Variants in TMBIM4 observed in about 807,000 individuals in gnomAD.
The protein encoded by TMBIM4 is protein lifeguard 4.
A neutral mutation model predicts 27.7 loss-of-function variants in TMBIM4; 28 were observed. That is an observed-to-expected ratio of 1.01 (90% CI 0.75 to 1.38). The LOEUF (loss-of-function observed/expected upper bound fraction) is 1.38, where lower values mean the gene tolerates loss of function less well. TMBIM4 is among the 40% of genes most tolerant of loss of function. TMBIM4 has a pLI of 0.00. For missense variants in TMBIM4, 265 were observed against 277.5 expected, an observed-to-expected ratio of 0.95 and a Z score of 0.32; for synonymous variants, 115 against 113.1, an observed-to-expected ratio of 1.02 and a Z score of -0.11.
intron 5 of TMBIM4, among the ~76,000 whole-genome samples, chr12:66,141,578 A>G (rs1252400125): frequency 1.3e-5 from 2 of 152,050 alleles, no homozygotes; most frequent in African/African-American, 4.8e-5. Context: ...TGATTTCTAA[A>G]AAAAAAACCT....
At chr12:66,144,479 G>A (rs10459263) in intron 5 of TMBIM4, among the ~76,000 whole-genome samples, 11,673 of 152,114 alleles carry the variant, frequency 0.077, 1,033 homozygotes, top group East Asian at 0.51. Context: ...GTAAATTGCG[G>A]GGTGGGGGCA....
At chr12:66,158,423 G>C (rs527432442) in intron 1 of TMBIM4, among the ~76,000 whole-genome samples, 1 of 151,772 alleles carries the variant, frequency 6.6e-6, no homozygotes, top group African/African-American at 2.4e-5. Context: ...GGCAGATCAC[G>C]AGGTCAGGAG....
chr12:66,169,954 T>A lies in TMBIM4; in HGVS notation c.-3A>T, dbSNP rs912684844. ...TACCGGGGGTCGGGGTCAGCCATGA[T>A]GGCAACAGCACCCCTACCGGTCCCG... On this transcript the variant is annotated 5_prime_UTR_variant, in exon 1 of 7. Transcript: ENST00000358230. 1 of 1,489,102 alleles carries A rather than the reference T, an allele frequency of 6.7e-7. No individual in the cohort carries two copies. Among genetic ancestry groups the A allele is most frequent in the Non-Finnish European group, 8.9e-7 (1 of 1,121,200 alleles). 92.2% of individuals were successfully genotyped at this position (1,489,102 alleles called of 1,614,324 possible).
intron 4 of TMBIM4, among the ~76,000 whole-genome samples, chr12:66,147,431 A>G (rs1027179775): frequency 6.6e-6 from 1 of 152,210 alleles, no homozygotes; most frequent in Non-Finnish European, 1.5e-5. Flanking sequence ...CTTCAAACAC[A>G]TATTTAACAT....
intron 1 of TMBIM4, among the ~76,000 whole-genome samples, chr12:66,155,767 C>A (rs2051925702): frequency 1.3e-5 from 2 of 152,090 alleles, no homozygotes; most frequent in African/African-American, 4.8e-5. Context: ...ATTTACAGTT[C>A]AAAACAATGT....
chr12:66,157,080 ATATAC>A (rs2136872513), intron 1 of TMBIM4, among the ~76,000 whole-genome samples: 1 of 152,166 alleles, frequency 6.6e-6, no homozygotes, highest in Non-Finnish European at 1.5e-5. Context: ...AATGCCACAA[ATATAC>A]TATATATCTG....
At chr12:66,164,411 G>A (rs1293168844) in intron 1 of TMBIM4, among the ~76,000 whole-genome samples, 4 of 152,130 alleles carry the variant, frequency 2.6e-5, no homozygotes, top group African/African-American at 9.7e-5. Flanking sequence ...GATTCAGAAG[G>A]GATTGTAGGA....
chr12:66,163,097 C>CCTT (rs1171674366), intron 1 of TMBIM4, among the ~76,000 whole-genome samples: 1 of 152,150 alleles, frequency 6.6e-6, no homozygotes, highest in East Asian at 1.9e-4. Context: ...CTAATGAATG[C>CCTT]CTTCTATTCA....
chr12:66,152,887 A>T (rs1382867234), intron 2 of TMBIM4, among the ~76,000 whole-genome samples: 1 of 151,858 alleles, frequency 6.6e-6, no homozygotes, highest in Non-Finnish European at 1.5e-5. Flanking sequence ...TATCATGGAA[A>T]TAATTATGAT....
intron 1 of TMBIM4, chr12:66,169,412 T>G (rs1044100719): frequency 9.2e-6 from 5 of 543,022 alleles, no homozygotes; most frequent in African/African-American, 3.9e-5. Context: ...ACGGTAAATA[T>G]AAGCCTGTAA....
intron 4 of TMBIM4, among the ~76,000 whole-genome samples, chr12:66,147,451 A>G (rs952771200): frequency 1.3e-5 from 2 of 152,220 alleles, no homozygotes; most frequent in South Asian, 4.1e-4. Flanking sequence ...TGAAATACAG[A>G]GCAGAAATTA....
At position 66,136,306 on chromosome 12, in the gene TMBIM4, C is replaced by T. The variant is rs1002866260; in HGVS notation, c.*1654G>A. The T allele has an allele frequency of 1.3e-5, 2 of 152,308 alleles. No individual in the cohort carries two copies. The highest frequency in any genetic ancestry group is 4.1e-4 in the South Asian group (2 of 4,832). The allele number at this position is 152,308 out of a possible 1,614,324, so 9.4% of individuals were successfully genotyped here. A position where few individuals can be genotyped will look rare whatever the true frequency, so the allele number is the denominator to read the frequency against. On this transcript the variant is annotated 3_prime_UTR_variant, in exon 7 of 7. Coordinates refer to ENST00000358230, the MANE Select transcript of TMBIM4 (RefSeq NM_016056.4). The stretch of plus-strand genomic sequence containing the variant: ...CTGCAATGATTCTAATCTAGATGCT[C>T]TTACCCACCATGCTGTTAAACTTGA...
chr12:66,162,292 AAGAG>A (rs1425921123), intron 1 of TMBIM4, among the ~76,000 whole-genome samples: 2 of 152,230 alleles, frequency 1.3e-5, no homozygotes, highest in Admixed American at 6.5e-5. Flanking sequence ...TATTCTGAGA[AAGAG>A]AGACCAATTC....
chr12:66,156,657 A>C (rs1446617049), intron 1 of TMBIM4, among the ~76,000 whole-genome samples: 2 of 152,192 alleles, frequency 1.3e-5, no homozygotes, highest in Non-Finnish European at 2.9e-5. Context: ...AATGTGAAAG[A>C]TTTTATAGGA....
At chr12:66,150,005 A>G (rs1006497281) in intron 3 of TMBIM4, among the ~76,000 whole-genome samples, 2 of 152,182 alleles carry the variant, frequency 1.3e-5, no homozygotes, top group Non-Finnish European at 2.9e-5. Context: ...AAGGAAATGT[A>G]TTGTACATAC....
At chr12:66,169,520 T>C (rs1406730843) in intron 1 of TMBIM4, 2 of 487,290 alleles carry the variant, frequency 4.1e-6, no homozygotes, top group African/African-American at 4.0e-5. Flanking sequence ...ACGTTTCTTT[T>C]CACTTCAAGA....
chr12:66,162,100 C>T (rs1051581416), intron 1 of TMBIM4, among the ~76,000 whole-genome samples: 1 of 151,880 alleles, frequency 6.6e-6, no homozygotes, highest in Non-Finnish European at 1.5e-5. Flanking sequence ...CCATTCTTCT[C>T]ACTATAATGT....
rs1399167492 is a variant in TMBIM4, at chr12:66,169,956, G to A, written c.-5C>T. On this transcript the variant is annotated 5_prime_UTR_variant, in exon 1 of 7. Coordinates refer to ENST00000358230, the MANE Select transcript of TMBIM4 (RefSeq NM_016056.4). ...CCGGGGGTCGGGGTCAGCCATGATG[G>A]CAACAGCACCCCTACCGGTCCCGGT... is the stretch of plus-strand genomic sequence containing the variant. The A allele has an allele frequency of 9.4e-6, 14 of 1,484,526 alleles. No homozygotes were observed. The highest frequency in any genetic ancestry group is 2.9e-5 in the East Asian group (1 of 34,038). 92.0% of individuals were successfully genotyped at this position (1,484,526 alleles called of 1,614,324 possible). A position where few individuals can be genotyped will look rare whatever the true frequency, so the allele number is the denominator to read the frequency against.
chr12:66,141,809 A>G (rs1278373664), intron 5 of TMBIM4, among the ~76,000 whole-genome samples: 1 of 152,182 alleles, frequency 6.6e-6, no homozygotes, highest in East Asian at 1.9e-4. Context: ...TTCTGCATCT[A>G]AAAATGAAGT....
Sources: gnomAD v4.1 joint callset for allele counts (sites outside exome capture counted in the v4.1 genomes callset) on GRCh38, gnomAD v4.1.1 for gene constraint, MANE v1.5 for transcripts, NCBI Gene and HGNC (gene_info 2026-07-23, HGNC 2026-07-21) for gene names.